CPSF2: variants seen among roughly 807,000 people sequenced by gnomAD.
CPSF2 encodes cleavage and polyadenylation specificity factor subunit 2.
A neutral mutation model predicts 84.2 loss-of-function variants in CPSF2; 51 were observed. The ratio of observed to expected loss-of-function variants is 0.61; its 90% CI spans 0.48 to 0.77. The LOEUF is 0.77. Ranked by LOEUF, CPSF2 falls within the 30% of genes least tolerant of loss-of-function variation. The pLI is 0.00. For missense variants in CPSF2, 641 were observed against 929.4 expected (o/e 0.69, Z 4.03); for synonymous variants, 286 against 311.9 (o/e 0.92, Z 0.87).
chr14:92,155,846 T>G (rs2069282510), intron 11 of CPSF2, among the ~76,000 whole-genome samples: 1 of 152,128 alleles, frequency 6.6e-6, no homozygotes, highest in South Asian at 2.1e-4. Flanking sequence ...ATACAAGTTT[T>G]ATGAGATTAA....
chr14:92,171,388 G>A lies in CPSF2; in HGVS notation c.*9644G>A, dbSNP rs967298734. On this transcript the variant is annotated 3_prime_UTR_variant, in exon 16 of 16. Coordinates refer to ENST00000298875, the MANE Select transcript of CPSF2 (RefSeq NM_017437.3). ...TGGGTCCCTGTTTTATCATCTGTAAGTTATGATTTATTTTGATGCCCCCAT... is the reference window on the plus strand; with the variant it reads ...TGGGTCCCTGTTTTATCATCTGTAAATTATGATTTATTTTGATGCCCCCAT... The A allele has an allele frequency of 6.6e-6, 1 of 152,164 alleles. No individual in the cohort carries two copies. Among genetic ancestry groups the A allele is most frequent in the Non-Finnish European group, 1.5e-5 (1 of 68,036 alleles). The allele number at this position is 152,164 out of a possible 1,614,324, so 9.4% of individuals were successfully genotyped here.
At chr14:92,128,983 G>A (rs2068880732) in intron 2 of CPSF2, among the ~76,000 whole-genome samples, 1 of 152,188 alleles carries the variant, frequency 6.6e-6, no homozygotes, top group South Asian at 2.1e-4. Flanking sequence ...CAGGTGAATA[G>A]ATGCCATAGT....
At chr14:92,159,344 T>G (rs1181260437) in intron 14 of CPSF2, 62 bp downstream of exon 14, 1 of 1,421,876 alleles carries the variant, frequency 7.0e-7, no homozygotes, top group African/African-American at 1.4e-5. Context: ...AGTTTTCATG[T>G]CTTTTGGTTT....
rs72691133 is a variant in CPSF2 at position 92,154,991 on chromosome 14, C to A, written c.1242-132C>A. 15 of 640,308 alleles carry A rather than the reference C, an allele frequency of 2.3e-5. No individual in the cohort carries two copies. The East Asian group carries it at 4.2e-4, about 18-fold the overall frequency. The allele number at this position is 640,308 out of a possible 1,614,324, so 39.7% of individuals were successfully genotyped here. On this transcript the variant is annotated intron_variant, in intron 10 of 15. Transcript: ENST00000298875. ...GTATATGTGGTCTATTGTTGTTGACCGACATAACTGTATATTATCATTTAA... is the reference window on the plus strand; with the variant it reads ...GTATATGTGGTCTATTGTTGTTGACAGACATAACTGTATATTATCATTTAA...
intron 11 of CPSF2, among the ~76,000 whole-genome samples, chr14:92,156,010 C>T (rs749383297): frequency 6.6e-6 from 1 of 152,086 alleles, no homozygotes; most frequent in Non-Finnish European, 1.5e-5. Context: ...ATGATACAGG[C>T]CAGGTGTGGT....
chr14:92,129,502 G>T (rs1013351552), intron 2 of CPSF2, among the ~76,000 whole-genome samples: 1 of 152,144 alleles, frequency 6.6e-6, no homozygotes, highest in African/African-American at 2.4e-5. Context: ...ACCTTAGTTT[G>T]TTGATGGCCT....
intron 5 of CPSF2, among the ~76,000 whole-genome samples, 167 bp from the exon 6 acceptor site, chr14:92,135,198 AGG>A (rs1189441653): frequency 6.6e-6 from 1 of 152,228 alleles, no homozygotes; most frequent in African/African-American, 2.4e-5. Flanking sequence ...GGAGTGGAGT[AGG>A]TGGGGGACAG....
chr14:92,146,896 G>A (rs1299275025), intron 9 of CPSF2, among the ~76,000 whole-genome samples: 1 of 152,156 alleles, frequency 6.6e-6, no homozygotes, highest in African/African-American at 2.4e-5. Context: ...TCTGCCTATA[G>A]TGTTCTTTCC....
chr14:92,140,867 T>C (rs2069069413), intron 7 of CPSF2, among the ~76,000 whole-genome samples: 1 of 151,580 alleles, frequency 6.6e-6, no homozygotes, highest in South Asian at 2.1e-4. Context: ...TGAGCTATGA[T>C]CACACCACTG....
chr14:92,162,360 A>G lies in CPSF2; in HGVS notation c.*616A>G, dbSNP rs1232552982. 1 of 152,568 alleles carries G rather than the reference A, an allele frequency of 6.6e-6. No homozygotes were observed. The highest frequency in any genetic ancestry group is 2.4e-5 in the African/African-American group (1 of 41,446). The allele number at this position is 152,568 out of a possible 1,614,324, so 9.5% of individuals were successfully genotyped here. The stretch of plus-strand genomic sequence containing the variant: ...AGAAATTAATTTTTATTTCTCCTAT[A>G]TCTTGTTTTATCAAGATTTTGTTGT... On this transcript the variant is annotated 3_prime_UTR_variant, in exon 16 of 16. Coordinates refer to ENST00000298875, the MANE Select transcript of CPSF2 (RefSeq NM_017437.3).
At chr14:92,127,378 A>AT (rs2068856751) in intron 2 of CPSF2, among the ~76,000 whole-genome samples, 1 of 152,212 alleles carries the variant, frequency 6.6e-6, no homozygotes, top group African/African-American at 2.4e-5. Flanking sequence ...AGAGAAGAAA[A>AT]TTTGAGAAAT....
At chr14:92,144,058 G>C (rs551905688) in intron 9 of CPSF2, among the ~76,000 whole-genome samples, 1 of 152,196 alleles carries the variant, frequency 6.6e-6, no homozygotes, top group African/African-American at 2.4e-5. Context: ...TCCTTGTTCT[G>C]TATTGCAGCT....
intron 9 of CPSF2, 85 bp from the exon 10 acceptor site, chr14:92,154,273 A>G: frequency 1.2e-6 from 1 of 846,028 alleles, no homozygotes; most frequent in South Asian, 2.0e-5. Context: ...AGCAATTTAG[A>G]GATGTGATGT....
At chr14:92,123,759 C>G (rs936353033) in intron 1 of CPSF2, among the ~76,000 whole-genome samples, 1 of 152,214 alleles carries the variant, frequency 6.6e-6, no homozygotes, top group South Asian at 2.1e-4. Context: ...GAAGTAGTAT[C>G]TGTCAAAACC....
intron 2 of CPSF2, among the ~76,000 whole-genome samples, chr14:92,129,999 C>T (rs898957004): frequency 3.9e-5 from 6 of 152,134 alleles, no homozygotes; most frequent in South Asian, 2.1e-4. Context: ...CTTCCTGCCT[C>T]GGCTTCCCAA....
Position 92,172,124 on chromosome 14 carries a change from A to G in CPSF2, c.*10380A>G, listed in dbSNP as rs8004117. On this transcript the variant is annotated 3_prime_UTR_variant, in exon 16 of 16. Coordinates refer to ENST00000298875, the MANE Select transcript of CPSF2 (RefSeq NM_017437.3). ...TTCACATGGTGCTCTAGCAATTGTG[A>G]AATAAACAGATTCTGAAGGTCTGTC... The G allele has an allele frequency of 0.52, 78,365 of 152,102 alleles. 21,725 individuals carry two copies. The highest frequency in any genetic ancestry group is 0.98 in the East Asian group (5,090 of 5,180). 9.4% of individuals were successfully genotyped at this position (152,102 alleles called of 1,614,324 possible).
In CPSF2 at chr14:92,154,530, T is replaced by G; in HGVS notation, c.1241+72T>G. ...AAGAATGTGTCCTTGACTTAAATGT[T>G]TCATTGAAAATATTTTTAAATTTTC... On this transcript the variant is annotated intron_variant, in intron 10 of 15. Coordinates refer to ENST00000298875, the MANE Select transcript of CPSF2 (RefSeq NM_017437.3). The G allele has an allele frequency of 2.8e-6, 3 of 1,064,042 alleles. No individual in the cohort carries two copies. The South Asian group carries it at 5.6e-5, about 20-fold the overall frequency. 65.9% of individuals were successfully genotyped at this position (1,064,042 alleles called of 1,614,324 possible). A position where few individuals can be genotyped will look rare whatever the true frequency, so the allele number is the denominator to read the frequency against.
In CPSF2 at chr14:92,155,342, C is replaced by T. The variant is rs2069276002; in HGVS notation, c.1442+19C>T. On this transcript the variant is annotated intron_variant, in intron 11 of 15. Coordinates refer to ENST00000298875, the MANE Select transcript of CPSF2 (RefSeq NM_017437.3). ...TTATCAAGTATGTGAGCAAAACAAA[C>T]TTTTCTCTCTTACAAATTGGAGGTA... is the stretch of plus-strand genomic sequence containing the variant. 1 of 1,574,922 alleles carries T rather than the reference C, an allele frequency of 6.3e-7. No homozygotes were observed.
Position 92,165,402 on chromosome 14 carries a change from T to C in CPSF2, c.*3658T>C, listed in dbSNP as rs375540845. On this transcript the variant is annotated 3_prime_UTR_variant, in exon 16 of 16. Coordinates refer to ENST00000298875, the MANE Select transcript of CPSF2 (RefSeq NM_017437.3). ...ATTTTGCATTTCCACCAGCATGTGT[T>C]TGAGGGTTCCATTTTCTCCTCATTC... 6.6e-6 allele frequency: 1 copy of C among 152,308 alleles called. No homozygotes were observed. Among genetic ancestry groups the C allele is most frequent in the African/African-American group, 2.4e-5 (1 of 41,572 alleles). 9.4% of individuals were successfully genotyped at this position (152,308 alleles called of 1,614,324 possible).
Sources: gnomAD v4.1 joint callset for allele counts (sites outside exome capture counted in the v4.1 genomes callset) on GRCh38, gnomAD v4.1.1 for gene constraint, MANE v1.5 for transcripts, NCBI Gene and HGNC (gene_info 2026-07-23, HGNC 2026-07-21) for gene names.